LIMS1: variants seen among roughly 807,000 people sequenced by gnomAD.
The protein encoded by LIMS1 is LIM and senescent cell antigen-like-containing domain protein 1.
Under a neutral mutation model 44.1 loss-of-function variants are expected in LIMS1, and 18 were observed. The ratio of observed to expected loss-of-function variants is 0.41; its 90% CI spans 0.28 to 0.61. LIMS1 has a LOEUF of 0.61. Ranked by LOEUF, LIMS1 falls within the 20% of genes least tolerant of loss-of-function variation. The pLI is 0.32. For missense variants in LIMS1, 201 were observed against 422.0 expected, an observed-to-expected ratio of 0.48 and a Z score of 4.59; for synonymous variants, 93 against 149.1, an observed-to-expected ratio of 0.62 and a Z score of 2.74.
rs1010635761 is a variant in LIMS1, at chr2:108,676,842, A to G, written c.774+144A>G. 11 of 730,420 alleles carry G rather than the reference A, an allele frequency of 1.5e-5. No individual in the cohort carries two copies. In the African/African-American group the frequency reaches 2.0e-4, roughly 13 times the overall value. 45.2% of individuals were successfully genotyped at this position (730,420 alleles called of 1,614,324 possible). A position where few individuals can be genotyped will look rare whatever the true frequency, so the allele number is the denominator to read the frequency against. ...CTTTTTATTTGGGAAATAATTTCAG[A>G]CTCAGAAGCTAACTATAAAATATAC... is the stretch of plus-strand genomic sequence containing the variant. On this transcript the variant is annotated intron_variant, in intron 7 of 9. Transcript: ENST00000544547.
rs1015001010 is a variant in LIMS1, at chr2:108,534,582, G to C, written c.20G>C (p.Gly7Ala). Residue 7 changes from glycine to alanine, a missense_variant, in exon 1 of 10, where the codon GGG becomes GCG. This residue lies in a region of LIMS1 where 101 missense variants were observed against 215.2 expected (regional missense o/e 0.47). Transcript: ENST00000544547. ...GGAGAGATGCTGGGCGTGGCGGCCG[G>C]GATGACCCACAGGTACGGGCCGCAC... 9.3e-6 allele frequency: 11 copies of C among 1,183,870 alleles called. No individual in the cohort carries two copies. In the African/African-American group the frequency reaches 1.6e-4, roughly 18 times the overall value. The allele number at this position is 1,183,870 out of a possible 1,614,324, so 73.3% of individuals were successfully genotyped here. A position where few individuals can be genotyped will look rare whatever the true frequency, so the allele number is the denominator to read the frequency against.
At chr2:108,611,958 T>TACACATATATAAAATATATATACA (rs1439833875) in intron 1 of LIMS1, among the ~76,000 whole-genome samples, 178 of 141,898 alleles carry the variant, frequency 1.3e-3, no homozygotes, top group African/African-American at 4.7e-3. Flanking sequence ...TATACATATA[T>TACACATATATAAAATATATATACA]TATATATACA....
chr2:108,544,132 T>TA (rs1684406800), intron 1 of LIMS1, among the ~76,000 whole-genome samples: 1 of 152,212 alleles, frequency 6.6e-6, no homozygotes, highest in South Asian at 2.1e-4. Context: ...TGTTAGTAGT[T>TA]ATTATAGATT....
intron 8 of LIMS1, 61 bp downstream of exon 8, chr2:108,678,088 T>C (rs1692694687): frequency 6.2e-7 from 1 of 1,607,320 alleles, no homozygotes. Flanking sequence ...TTGGGTAATG[T>C]GGAAATTCAG....
chr2:108,642,349 T>G (rs1192038428), intron 1 of LIMS1, among the ~76,000 whole-genome samples: 103 of 8,366 alleles, frequency 0.012, 1 homozygote, highest in East Asian at 0.1. Flanking sequence ...TTTGTTTTTT[T>G]TTTTTTTTGT....
intron 1 of LIMS1, among the ~76,000 whole-genome samples, chr2:108,593,173 T>C (rs1230222945): frequency 6.6e-6 from 1 of 152,190 alleles, no homozygotes; most frequent in Admixed American, 6.5e-5. Flanking sequence ...AGATCCAGAA[T>C]TACTAGAGTT....
At position 108,568,820 on chromosome 2, in the gene LIMS1, G is replaced by A. The variant is rs78226413; in HGVS notation, c.32+34226G>A. On this transcript the variant is annotated intron_variant, in intron 1 of 9. Coordinates refer to ENST00000544547, the Ensembl canonical transcript of LIMS1. ...CTTTTTATATGCTTGTTAGCTATTTGTATGTCATCTTTGGAAAAAAGTCTG... is the reference window on the plus strand; with the variant it reads ...CTTTTTATATGCTTGTTAGCTATTTATATGTCATCTTTGGAAAAAAGTCTG... 1.3e-3 allele frequency among the ~76,000 whole-genome samples: 202 copies of A among 152,212 alleles called. 4 individuals are homozygous for A. The East Asian group carries it at 0.036, about 27-fold the overall frequency.
chr2:108,640,298 G>C (rs1157998039), intron 1 of LIMS1, among the ~76,000 whole-genome samples: 2 of 152,152 alleles, frequency 1.3e-5, no homozygotes, highest in Admixed American at 6.5e-5. Context: ...TTTGTTGGTT[G>C]GTTCATGTTA....
chr2:108,643,267 A>G (rs1689830856), intron 1 of LIMS1, among the ~76,000 whole-genome samples: 2 of 152,218 alleles, frequency 1.3e-5, no homozygotes, highest in Admixed American at 6.5e-5. Context: ...TGCGGAAGGC[A>G]GGTGATTTCT....
intron 1 of LIMS1, among the ~76,000 whole-genome samples, chr2:108,545,626 C>T (rs887267073): frequency 1.2e-4 from 19 of 152,312 alleles, no homozygotes; most frequent in African/African-American, 4.6e-4. Flanking sequence ...CCACTTTACT[C>T]TCTTAAAAAT....
Position 108,684,050 on chromosome 2 carries a change from T to C in LIMS1, c.*51T>C, listed in dbSNP as rs775661598. The C allele has an allele frequency of 3.1e-6, 3 of 954,996 alleles. No individual in the cohort carries two copies. The East Asian group carries it at 7.6e-5, about 24-fold the overall frequency. The allele number at this position is 954,996 out of a possible 1,614,324, so 59.2% of individuals were successfully genotyped here. On this transcript the variant is annotated 3_prime_UTR_variant, in exon 10 of 10. Transcript: ENST00000544547. ...CAAGATAAGAGATTACCAACATTAC[T>C]TGTCTTGATCTACCCATATTTAAAG...
intron 2 of LIMS1, among the ~76,000 whole-genome samples, chr2:108,668,154 T>C (rs182548870): frequency 0.012 from 1,823 of 152,260 alleles, 42 homozygotes; most frequent in African/African-American, 0.042. Flanking sequence ...CAAATCAGGG[T>C]ATTTAACGTA....
At chr2:108,549,877 G>A (rs1684625042) in intron 1 of LIMS1, among the ~76,000 whole-genome samples, 1 of 152,158 alleles carries the variant, frequency 6.6e-6, no homozygotes, top group African/African-American at 2.4e-5. Flanking sequence ...TTTGTAACTT[G>A]TAATTTGTAA....
chr2:108,593,240 C>T (rs1479778436), intron 1 of LIMS1, among the ~76,000 whole-genome samples: 1 of 152,160 alleles, frequency 6.6e-6, no homozygotes. Context: ...TGGTTTTTCT[C>T]TACTTCCAAA....
chr2:108,573,406 A>G (rs1685556300), intron 1 of LIMS1, among the ~76,000 whole-genome samples: 1 of 151,904 alleles, frequency 6.6e-6, no homozygotes, highest in African/African-American at 2.4e-5. Flanking sequence ...ATTTTGGCGT[A>G]AGAAATGAAA....
intron 1 of LIMS1, among the ~76,000 whole-genome samples, chr2:108,648,273 T>C (rs1690211093): frequency 6.6e-6 from 1 of 152,146 alleles, no homozygotes; most frequent in Non-Finnish European, 1.5e-5. Flanking sequence ...GTGAAGGACC[T>C]CTTCAAGGAG....
chr2:108,534,158 C>T (rs1339786034), upstream of LIMS1: 2 of 153,312 alleles, frequency 1.3e-5, no homozygotes, highest in African/African-American at 2.4e-5. Flanking sequence ...CCCAATGAGC[C>T]CCTACCCCAG....
At chr2:108,682,958 C>A (rs142668568) in intron 9 of LIMS1, among the ~76,000 whole-genome samples, 2 of 152,284 alleles carry the variant, frequency 1.3e-5, no homozygotes, top group East Asian at 1.9e-4. Context: ...CCTGTAATTA[C>A]CTGTTGGAAA....
At chr2:108,574,364 G>A (rs527511627) in intron 1 of LIMS1, among the ~76,000 whole-genome samples, 1 of 152,168 alleles carries the variant, frequency 6.6e-6, no homozygotes, top group Non-Finnish European at 1.5e-5. Flanking sequence ...GAATGACCTG[G>A]TGCTTAGAGA....
Sources: gnomAD v4.1 joint callset for allele counts (sites outside exome capture counted in the v4.1 genomes callset) on GRCh38, gnomAD v4.1.1 for gene constraint, gnomAD v4.1.1 regional missense constraint, MANE v1.5 for transcripts, NCBI Gene and HGNC (gene_info 2026-07-23, HGNC 2026-07-21) for gene names.